MLANA: variants seen among roughly 807,000 people sequenced by gnomAD.
The protein encoded by MLANA is melan-A, also known as melanoma antigen recognized by T-cells 1.
MLANA carries 21 observed loss-of-function variants against 15.7 expected under a neutral mutation model. The ratio of observed to expected loss-of-function variants is 1.33; its 90% CI spans 0.95 to 1.92. The LOEUF (loss-of-function observed/expected upper bound fraction) is 1.92, where lower values mean the gene tolerates loss of function less well. Ranked by LOEUF, MLANA falls within the 40% of genes most tolerant of loss-of-function variation. MLANA has a pLI of 0.00. For missense variants in MLANA, 164 were observed against 143.8 expected (o/e 1.14, Z -0.72); for synonymous variants, 56 against 51.5 (o/e 1.09, Z -0.37).
intron 4 of MLANA, among the ~76,000 whole-genome samples, chr9:5,907,527 G>C (rs1832895981): frequency 6.6e-6 from 1 of 152,224 alleles, no homozygotes; most frequent in South Asian, 2.1e-4. Flanking sequence ...TAGAAAAGAA[G>C]ATAAATGGTT....
At chr9:5,891,418 TTC>T (rs1831650022) in intron 1 of MLANA, 1 of 152,208 alleles carries the variant, frequency 6.6e-6, no homozygotes, top group Non-Finnish European at 1.5e-5. Flanking sequence ...TGACTTTCAT[TTC>T]TTTTTTACAA....
intron 4 of MLANA, among the ~76,000 whole-genome samples, chr9:5,907,345 T>C (rs972717295): frequency 4.6e-5 from 7 of 152,188 alleles, no homozygotes; most frequent in African/African-American, 1.7e-4. Context: ...GCCTTTTTAA[T>C]GGATGCAGAT....
At chr9:5,896,638 T>G (rs1832040524) in intron 2 of MLANA, among the ~76,000 whole-genome samples, 2 of 152,072 alleles carry the variant, frequency 1.3e-5, no homozygotes. Flanking sequence ...GATAACAGAG[T>G]CAGTTCTGTC....
chr9:5,896,282 C>T (rs1331649480), intron 2 of MLANA, among the ~76,000 whole-genome samples: 1 of 152,198 alleles, frequency 6.6e-6, no homozygotes, highest in Non-Finnish European at 1.5e-5. Flanking sequence ...AGCCCAGTGC[C>T]TGGCACAAAT....
At chr9:5,905,011 G>A (rs1036987203) in intron 3 of MLANA, among the ~76,000 whole-genome samples, 2 of 151,692 alleles carry the variant, frequency 1.3e-5, no homozygotes, top group African/African-American at 4.8e-5. Context: ...CTGACCTCGT[G>A]ATCCACACGC....
At position 5,906,186 on chromosome 9, in the gene MLANA, T is replaced by TAA. The variant is rs34203799; in HGVS notation, c.175-687_175-686dup. ...GGCAACTTAGCAAGATCATGTCTCT[T>TAA]AAAAAAAAAAAAAGAAAGAAAGAAA... On this transcript the variant is annotated intron_variant, in intron 3 of 4. Transcript: ENST00000381477. 3.0e-3 allele frequency among the ~76,000 whole-genome samples: 416 copies of TAA among 140,528 alleles called. 2 individuals carry two copies. The highest frequency in any genetic ancestry group is 7.9e-3 in the African/African-American group (303 of 38,154). 92.2% of individuals were successfully genotyped at this position (140,528 alleles called of 152,430 possible).
intron 3 of MLANA, among the ~76,000 whole-genome samples, chr9:5,900,976 G>A (rs1296551852): frequency 2.0e-5 from 3 of 152,084 alleles, no homozygotes; most frequent in Admixed American, 6.5e-5. Context: ...ATACTTTGGG[G>A]TTCTTGCTAA....
intron 1 of MLANA, 42 bp downstream of exon 1, chr9:5,890,978 C>G (rs547919747): frequency 6.6e-6 from 1 of 152,266 alleles, no homozygotes; most frequent in South Asian, 2.1e-4. Context: ...GTCCTCTTCT[C>G]CCAGAATAGG....
rs573817975 is a variant in MLANA at position 5,909,881 on chromosome 9, C to T, written c.*1173C>T. ...ATTTGTTTTCCTTTGGCTACATCAACGTATCACCTACACTATTATTTATCT... is the reference window on the plus strand; with the variant it reads ...ATTTGTTTTCCTTTGGCTACATCAATGTATCACCTACACTATTATTTATCT... On this transcript the variant is annotated 3_prime_UTR_variant, in exon 5 of 5. Coordinates refer to ENST00000381477, the MANE Select transcript of MLANA (RefSeq NM_005511.2). 2.0e-5 allele frequency: 3 copies of T among 152,202 alleles called. No homozygotes were observed. The highest frequency in any genetic ancestry group is 4.4e-5 in the Non-Finnish European group (3 of 68,034). The allele number at this position is 152,202 out of a possible 1,614,324, so 9.4% of individuals were successfully genotyped here. A position where few individuals can be genotyped will look rare whatever the true frequency, so the allele number is the denominator to read the frequency against.
chr9:5,895,276 T>C (rs1015535806), intron 2 of MLANA, among the ~76,000 whole-genome samples: 2 of 152,110 alleles, frequency 1.3e-5, no homozygotes, highest in Admixed American at 1.3e-4. Flanking sequence ...AATAAGTAAC[T>C]GCACATGGCC....
chr9:5,892,389 TGA>T, intron 1 of MLANA, 59 bp from the exon 2 acceptor site: 1 of 1,187,886 alleles, frequency 8.4e-7, no homozygotes, highest in Non-Finnish European at 1.2e-6. Flanking sequence ...TGGGTCTTTA[TGA>T]GATGATGAAT....
At chr9:5,903,692 T>C (rs978902561) in intron 3 of MLANA, among the ~76,000 whole-genome samples, 9 of 152,192 alleles carry the variant, frequency 5.9e-5, no homozygotes, top group African/African-American at 2.2e-4. Flanking sequence ...CTTAGGTACA[T>C]GCAATGTTAG....
intron 2 of MLANA, among the ~76,000 whole-genome samples, chr9:5,895,560 C>T (rs1228430848): frequency 1.3e-5 from 2 of 152,202 alleles, no homozygotes; most frequent in African/African-American, 4.8e-5. Context: ...AGAAGGACTA[C>T]ATACCTGCTT....
At chr9:5,897,681 C>T in intron 3 of MLANA, 28 bp downstream of exon 3, 1 of 1,575,430 alleles carries the variant, frequency 6.3e-7, no homozygotes, top group Non-Finnish European at 8.7e-7. Flanking sequence ...TGCTGAAATC[C>T]CTCCAAGTCC....
chr9:5,896,691 T>C (rs1442596059), intron 2 of MLANA, among the ~76,000 whole-genome samples: 3 of 152,362 alleles, frequency 2.0e-5, no homozygotes, highest in Admixed American at 6.5e-5. Flanking sequence ...AGCTAATTGA[T>C]GATGCTTGCC....
intron 3 of MLANA, among the ~76,000 whole-genome samples, chr9:5,899,656 A>G (rs1410222535): frequency 6.6e-6 from 1 of 152,244 alleles, no homozygotes; most frequent in Non-Finnish European, 1.5e-5. Flanking sequence ...TCTCTGCCAT[A>G]GAACTCCATT....
chr9:5,908,376 C>T (rs1233105133), intron 4 of MLANA, among the ~76,000 whole-genome samples: 1 of 152,134 alleles, frequency 6.6e-6, no homozygotes, highest in Non-Finnish European at 1.5e-5. Flanking sequence ...GAGACTTTTA[C>T]TGTCATGGAA....
intron 3 of MLANA, among the ~76,000 whole-genome samples, chr9:5,897,856 G>T (rs1832136470): frequency 6.6e-6 from 1 of 152,192 alleles, no homozygotes; most frequent in South Asian, 2.1e-4. Flanking sequence ...CCAGGAACTT[G>T]CCCTGTGTCT....
In MLANA at chr9:5,894,265, A is replaced by C. The variant is rs573284276; in HGVS notation, c.77+1714A>C. Among the ~76,000 whole-genome samples, 2 of 152,222 alleles carry C rather than the reference A, an allele frequency of 1.3e-5. No homozygotes were observed. Among genetic ancestry groups the C allele is most frequent in the Non-Finnish European group, 2.9e-5 (2 of 67,996 alleles). ...AGCCAGGTGTACCCACAACCTGAAC[A>C]AGGTAACTTTCAGGGTCTAGTCAGG... On this transcript the variant is annotated intron_variant, in intron 2 of 4. Coordinates refer to ENST00000381477, the MANE Select transcript of MLANA (RefSeq NM_005511.2). The surrounding 1 kb of genome is among the most constrained non-coding windows in gnomAD (Gnocchi z 4.0).
Sources: allele counts gnomAD v4.1 joint callset (sites outside exome capture counted in the v4.1 genomes callset), GRCh38; gene constraint gnomAD v4.1.1; non-coding constraint Gnocchi (gnomAD v3.1); transcripts MANE v1.5; gene names NCBI Gene and HGNC (gene_info 2026-07-23, HGNC 2026-07-21).